Variants in AKR1E2 observed in about 807,000 individuals in gnomAD.
AKR1E2 encodes the protein aldo-keto reductase family 1 member E2.
In AKR1E2, 43 loss-of-function variants were observed where a neutral mutation model predicts 41.9. The observed-to-expected ratio is 1.03, with a 90% CI of 0.80 to 1.32. AKR1E2 has a LOEUF of 1.32. Ranked by LOEUF, AKR1E2 falls within the 40% of genes most tolerant of loss-of-function variation. AKR1E2 has a pLI of 0.00. For synonymous variants in AKR1E2, 121 were observed against 138.9 expected (o/e 0.87, Z 0.91); for missense variants, 423 against 396.5 (o/e 1.07, Z -0.57).
rs542833522 is a variant in AKR1E2, at chr10:4,832,422, G to C, written c.208-928G>C. Among the ~76,000 whole-genome samples the C allele has an allele frequency of 2.0e-5, 3 of 152,284 alleles. No individual in the cohort carries two copies. In the South Asian group the frequency reaches 6.2e-4, roughly 32 times the overall value. On this transcript the variant is annotated intron_variant, in intron 2 of 9. Coordinates refer to ENST00000298375, the MANE Select transcript of AKR1E2 (RefSeq NM_001040177.3). ...GCCTTGGTGTGTGCTTGGCCAAGCG[G>C]GGAGAATGTCTTCTGAATAGTCCAG...
At chr10:4,862,842 C>T in the AKR1E2 span, among the ~76,000 whole-genome samples, 1 of 151,986 alleles carries the variant, frequency 6.6e-6, no homozygotes, top group African/African-American at 2.4e-5. Context: ...GACTTTAAAC[C>T]AACAAAGATC....
Position 4,833,363 on chromosome 10 carries a change from G to T in AKR1E2, c.221G>T (p.Cys74Phe). 1 of 1,614,136 alleles carries T rather than the reference G, an allele frequency of 6.2e-7. No homozygotes were observed. Among genetic ancestry groups the T allele is most frequent in the African/African-American group, 1.3e-5 (1 of 75,034 alleles). ...LFIATKLWCT[C>F]HKKSLVETAC... ...TCTCCTTTGTAGCTGTGGTGCACCT[G>T]CCATAAGAAGTCCTTGGTGGAAACA... Residue 74 changes from cysteine (C) to phenylalanine (F), a missense_variant, in exon 3 of 10, where the codon TGC becomes TTC. Cys to Phe is a radical substitution (Grantham distance 205, BLOSUM62 -2). Transcript: ENST00000298375.
intron 8 of AKR1E2, among the ~76,000 whole-genome samples, chr10:4,845,530 G>C (rs577478035): frequency 9.3e-5 from 14 of 150,430 alleles, no homozygotes; most frequent in Admixed American, 2.0e-4. Flanking sequence ...CTGGCCTAAG[G>C]TGCCCTCTGT....
chr10:4,853,152 T>G, the AKR1E2 span, among the ~76,000 whole-genome samples: 1 of 152,226 alleles, frequency 6.6e-6, no homozygotes, highest in African/African-American at 2.4e-5. Flanking sequence ...CAAACTCTCA[T>G]AATATATTCC....
chr10:4,852,161 A>G (rs1834536614), downstream of AKR1E2, among the ~76,000 whole-genome samples: 1 of 152,198 alleles, frequency 6.6e-6, no homozygotes, highest in Admixed American at 6.5e-5. Flanking sequence ...TTACTGTGAG[A>G]CTGGATTGGT....
At chr10:4,854,103 T>G in the AKR1E2 span, among the ~76,000 whole-genome samples, 4 of 125,836 alleles carry the variant, frequency 3.2e-5, no homozygotes, top group East Asian at 2.2e-4. Flanking sequence ...TTTTTTTTTT[T>G]TTTTTTTTTA....
intron 8 of AKR1E2, among the ~76,000 whole-genome samples, 167 bp from the exon 9 acceptor site, chr10:4,846,981 T>C (rs1834382248): frequency 6.6e-6 from 1 of 152,218 alleles, no homozygotes; most frequent in Non-Finnish European, 1.5e-5. Flanking sequence ...CAAAGGGCAT[T>C]TGGGGAATCC....
At chr10:4,870,639 C>T in the AKR1E2 span, among the ~76,000 whole-genome samples, 33,121 of 151,688 alleles carry the variant, frequency 0.22, 3,837 homozygotes, top group Middle Eastern at 0.33. Context: ...TGATGATAAA[C>T]TCACAATTAT....
chr10:4,858,268 C>T, the AKR1E2 span, among the ~76,000 whole-genome samples: 1 of 152,078 alleles, frequency 6.6e-6, no homozygotes. Context: ...AAATTGGAGT[C>T]AGTAAGCATA....
At chr10:4,829,455 G>A (rs1293986577) in intron 1 of AKR1E2, among the ~76,000 whole-genome samples, 3 of 152,092 alleles carry the variant, frequency 2.0e-5, no homozygotes, top group Non-Finnish European at 2.9e-5. Context: ...TAATATTTTT[G>A]TCTGATTTTG....
chr10:4,856,210 AAAT>A, the AKR1E2 span, among the ~76,000 whole-genome samples: 1 of 152,242 alleles, frequency 6.6e-6, no homozygotes, highest in Non-Finnish European at 1.5e-5. Context: ...CTAAAGGGTT[AAAT>A]AATTGTCTTA....
In AKR1E2 at chr10:4,846,549, C is replaced by CT. The variant is rs760426996; in HGVS notation, c.838-585dup. ...TCAGTGGGAAAAATTCTGTGCCATC[C>CT]TTTTTTTTTTTTTTGAGATGGAGTC... On this transcript the variant is annotated intron_variant, in intron 8 of 9. Transcript: ENST00000298375. Among the ~76,000 whole-genome samples the CT allele has an allele frequency of 6.7e-3, 941 of 141,084 alleles. 3 individuals are homozygous for CT. The highest frequency in any genetic ancestry group is 0.017 in the African/African-American group (646 of 38,610). The allele number at this position is 141,084 out of a possible 152,430, so 92.6% of individuals were successfully genotyped here.
the AKR1E2 span, among the ~76,000 whole-genome samples, chr10:4,873,154 T>C: frequency 1.3e-5 from 2 of 152,132 alleles, no homozygotes; most frequent in East Asian, 1.9e-4. Context: ...GCTGTTCTTG[T>C]GATAGTGAAT....
chr10:4,826,356 C>T lies in AKR1E2; in HGVS notation c.32C>T (p.Ser11Phe). 8.1e-7 allele frequency: 1 copy of T among 1,234,906 alleles called. No homozygotes were observed. The highest frequency in any genetic ancestry group is 1.0e-6 in the Non-Finnish European group (1 of 987,496). The allele number at this position is 1,234,906 out of a possible 1,614,324, so 76.5% of individuals were successfully genotyped here. A position where few individuals can be genotyped will look rare whatever the true frequency, so the allele number is the denominator to read the frequency against. Reference sequence around the variant, plus strand: ...GATATCCCAGCCGTGGGCCTCAGCTCCTGGAAGGTGACGCGGTCGCGGGCA... The same window carrying T: ...GATATCCCAGCCGTGGGCCTCAGCTTCTGGAAGGTGACGCGGTCGCGGGCA... MGDIPAVGLS[S>F]WKASPGKVTE... The change falls in exon 1 of 10, where the codon TCC becomes TTC. Residue 11 changes from serine to phenylalanine, a missense_variant. Physicochemically the swap from Ser to Phe is radical, Grantham distance 155. Coordinates refer to ENST00000298375, the MANE Select transcript of AKR1E2 (RefSeq NM_001040177.3).
At chr10:4,852,888 G>C (rs1044900794), downstream of AKR1E2, among the ~76,000 whole-genome samples, 3 of 152,120 alleles carry the variant, frequency 2.0e-5, no homozygotes, top group Non-Finnish European at 2.9e-5. Flanking sequence ...TTTTCCTTCT[G>C]TGTCCTCACA....
chr10:4,860,967 TC>T, the AKR1E2 span, among the ~76,000 whole-genome samples: 1 of 152,342 alleles, frequency 6.6e-6, no homozygotes, highest in East Asian at 1.9e-4. Context: ...TCTTCATAAA[TC>T]ATGGTATGGT....
At chr10:4,859,643 G>A in the AKR1E2 span, among the ~76,000 whole-genome samples, 39,276 of 152,138 alleles carry the variant, frequency 0.26, 5,289 homozygotes, top group Middle Eastern at 0.37. Flanking sequence ...GGTTTTCTGA[G>A]CAAAGGCATT....
chr10:4,839,622 C>T, intron 5 of AKR1E2, 107 bp from the exon 6 acceptor site: 2 of 978,430 alleles, frequency 2.0e-6, no homozygotes, highest in Admixed American at 3.7e-5. Flanking sequence ...GAGCTGGGCC[C>T]CATGGCTACT....
At chr10:4,857,829 T>C in the AKR1E2 span, among the ~76,000 whole-genome samples, 13 of 152,300 alleles carry the variant, frequency 8.5e-5, no homozygotes, top group African/African-American at 3.1e-4. Context: ...TTTATTTAAA[T>C]GAGTTTTTAA....
Sources: gnomAD v4.1 joint callset for allele counts (sites outside exome capture counted in the v4.1 genomes callset) on GRCh38, gnomAD v4.1.1 for gene constraint, MANE v1.5 for transcripts, NCBI Gene and HGNC (gene_info 2026-07-23, HGNC 2026-07-21) for gene names.